The following PAOX variants were observed in gnomAD, a reference collection of about 807,000 sequenced individuals.
PAOX encodes the protein peroxisomal N(1)-acetyl-spermine/spermidine oxidase.
In PAOX, 38 loss-of-function variants were observed where a neutral mutation model predicts 39.0. That is an observed-to-expected ratio of 0.97 (90% CI 0.75 to 1.28). The LOEUF (loss-of-function observed/expected upper bound fraction) is 1.28, where lower values mean the gene tolerates loss of function less well. PAOX is among the 50% of genes most tolerant of loss of function. The probability of loss-of-function intolerance (pLI) is 0.00; values close to 1 mark genes in which losing one functional copy is unlikely to be tolerated. For synonymous variants in PAOX, 311 were observed against 314.4 expected (o/e 0.99, Z 0.11); for missense variants, 667 against 685.7 (o/e 0.97, Z 0.30).
rs1449702807 is a variant in PAOX, at chr10:133,388,952, G to A, written c.1122-4G>A. ...TCATCCCAGGGCTCTCTTTCTCCAT[G>A]CAGGTCTGTCCACGTTCTCTGTGGG... On this transcript the variant is annotated splice_polypyrimidine_tract_variant and splice_region_variant and intron_variant, in intron 4 of 6. Coordinates refer to ENST00000278060, the MANE Select transcript of PAOX (RefSeq NM_152911.4). 6 of 1,606,874 alleles carry A rather than the reference G, an allele frequency of 3.7e-6. No individual in the cohort carries two copies. Among genetic ancestry groups the A allele is most frequent in the Non-Finnish European group, 5.1e-6 (6 of 1,173,774 alleles).
chr10:133,390,299 T>A (rs1252169497), intron 6 of PAOX, among the ~76,000 whole-genome samples: 1 of 151,916 alleles, frequency 6.6e-6, no homozygotes, highest in Non-Finnish European at 1.5e-5. Context: ...ACTATGATGC[T>A]GAGGGCAGTG....
chr10:133,380,372 C>G lies in PAOX; in HGVS notation c.555C>G (p.Asn185Lys). 6.2e-7 allele frequency: 1 copy of G among 1,612,948 alleles called. No homozygotes were observed. Among genetic ancestry groups the G allele is most frequent in the Non-Finnish European group, 8.5e-7 (1 of 1,180,036 alleles). The change falls in exon 2 of 7, where the codon AAC becomes AAG. Residue 185 changes from asparagine to lysine, a missense_variant. Transcript: ENST00000278060. ...ETRKLKLAVL[N>K]SFFNLECCVS... is the part of the protein sequence containing the mutation. ...GGAAGCTGAAGCTGGCCGTCCTGAA[C>G]TCCTTCTTCAACCTGGAATGCTGTG...
rs1240965021 is a variant in PAOX at position 133,379,466 on chromosome 10, CG to C, written c.155del (p.Gly52AlafsTer62). 2.4e-6 allele frequency: 3 copies of C among 1,225,622 alleles called. No individual in the cohort carries two copies. Among genetic ancestry groups the C allele is most frequent in the Admixed American group, 4.3e-5 (1 of 23,490 alleles). The allele number at this position is 1,225,622 out of a possible 1,614,324, so 75.9% of individuals were successfully genotyped here. ...GGGTCCTGGAGGCCACGGCCCGCGC[CG>C]GGGGCCGCATCCGCTCGGAGCGCTG... ...LRVLEATARAGGRIRSERCFG... is the reference protein window; with the variant it reads ...LRVLEATARAXGRIRSERCFG... On this transcript the variant is annotated frameshift_variant, in exon 1 of 7. Transcript: ENST00000278060. LOFTEE classifies it high-confidence loss of function.
At position 133,388,960 on chromosome 10, in the gene PAOX, G is replaced by GGTCATCCCAGGGC. The variant is rs1459322189; in HGVS notation, c.1126_1127insGTCATCCCAGGGC (p.Val376GlyfsTer16). On this transcript the variant is annotated frameshift_variant, in exon 5 of 7. Transcript: ENST00000278060. LOFTEE classifies it high-confidence loss of function. ...GGGCTCTCTTTCTCCATGCAGGTCT[G>GGTCATCCCAGGGC]TCCACGTTCTCTGTGGGTTCATTGC... 1 of 1,612,878 alleles carries GGTCATCCCAGGGC rather than the reference G, an allele frequency of 6.2e-7. No homozygotes were observed. The highest frequency in any genetic ancestry group is 1.3e-5 in the African/African-American group (1 of 74,798).
chr10:133,389,090 T>C (rs10776679), intron 5 of PAOX, 22 bp downstream of exon 5: 1,456,451 of 1,557,126 alleles, frequency 0.94, 683,519 homozygotes, highest in East Asian at 0.98. Flanking sequence ...CCACACACGC[T>C]GGTTCCTGCC....
chr10:133,386,830 C>A (rs1278705633), intron 4 of PAOX, among the ~76,000 whole-genome samples: 1 of 152,182 alleles, frequency 6.6e-6, no homozygotes, highest in East Asian at 1.9e-4. Flanking sequence ...TTGATACTAC[C>A]TCAAAAGTCA....
chr10:133,379,507 C>A lies in PAOX; in HGVS notation c.181+10C>A. The A allele has an allele frequency of 8.2e-7, 1 of 1,225,538 alleles. No individual in the cohort carries two copies. Among genetic ancestry groups the A allele is most frequent in the South Asian group, 4.2e-5 (1 of 24,058 alleles). 75.9% of individuals were successfully genotyped at this position (1,225,538 alleles called of 1,614,324 possible). A position where few individuals can be genotyped will look rare whatever the true frequency, so the allele number is the denominator to read the frequency against. On this transcript the variant is annotated intron_variant, in intron 1 of 6. Transcript: ENST00000278060. ...TCGGAGCGCTGCTTCGGTAACCGCC[C>A]CTCCCGGAGCCCCTCCCGGAACCCA...
intron 3 of PAOX, among the ~76,000 whole-genome samples, chr10:133,382,642 C>T (rs1849418739): frequency 6.6e-6 from 1 of 152,106 alleles, no homozygotes; most frequent in African/African-American, 2.4e-5. Flanking sequence ...ATTAGCTGGG[C>T]ATGGTGGCAG....
At chr10:133,379,852 G>T in intron 1 of PAOX, 147 bp from the exon 2 acceptor site, 3 of 1,098,128 alleles carry the variant, frequency 2.7e-6, no homozygotes, top group Non-Finnish European at 3.8e-6. Flanking sequence ...GTCTGACAGG[G>T]CCCTGCCCTG....
Position 133,389,697 on chromosome 10 carries a change from G to C in PAOX, c.1342G>C (p.Asp448His). 6.3e-7 allele frequency: 1 copy of C among 1,595,480 alleles called. No individual in the cohort carries two copies. Among genetic ancestry groups the C allele is most frequent in the Non-Finnish European group, 8.6e-7 (1 of 1,168,558 alleles). The change falls in exon 6 of 7, where the codon GAC (aspartate) becomes CAC (histidine). Residue 448 changes from aspartate (D) to histidine (H), a missense_variant. Transcript: ENST00000278060. ...CGTGGCCGTGGGCAGTACTGGGGGC[G>C]ACCTGGACCTGCTGGCTCAGCCCCT... The part of the protein sequence containing the change: ...SYVAVGSTGG[D>H]LDLLAQPLPA...
intron 4 of PAOX, 71 bp from the exon 5 acceptor site, chr10:133,388,885 G>A: frequency 2.9e-6 from 2 of 695,636 alleles, no homozygotes. Context: ...TCTCCATGCA[G>A]GTCTGGTCAT....
chr10:133,389,824 C>G, intron 6 of PAOX, 77 bp downstream of exon 6: 1 of 1,367,064 alleles, frequency 7.3e-7, no homozygotes, highest in Non-Finnish European at 9.4e-7. Flanking sequence ...TGCAGGAGCA[C>G]CAGCCAGTGG....
chr10:133,383,919 G>A, intron 3 of PAOX, 41 bp from the exon 4 acceptor site: 1 of 1,585,032 alleles, frequency 6.3e-7, no homozygotes, highest in Non-Finnish European at 8.6e-7. Flanking sequence ...TTCCGTGGAG[G>A]GCTTTATGTG....
At chr10:133,387,629 C>T (rs948091692) in intron 4 of PAOX, among the ~76,000 whole-genome samples, 4 of 152,246 alleles carry the variant, frequency 2.6e-5, no homozygotes, top group African/African-American at 7.2e-5. Context: ...GCACCAGCCC[C>T]GCCTGGAATA....
At chr10:133,379,971 C>A (rs1177834910) in intron 1 of PAOX, 28 bp from the exon 2 acceptor site, 1 of 1,505,606 alleles carries the variant, frequency 6.6e-7, no homozygotes, top group Non-Finnish European at 8.8e-7. Context: ...AAAGGGACCT[C>A]CAGGTGGCAT....
chr10:133,390,826 T>TCCCCCCCCCCCCC, intron 6 of PAOX: 1 of 318,546 alleles, frequency 3.1e-6, no homozygotes, highest in South Asian at 2.3e-5. Context: ...CCCAGATCCC[T>TCCCCCCCCCCCCC]CCCCCACCCT....
rs1358524908 is a variant in PAOX at position 133,391,429 on chromosome 10, G to T, written c.1510G>T (p.Val504Leu). The change falls in exon 7 of 7, where the codon GTG (valine) becomes TTG (leucine). Residue 504 changes from valine (V) to leucine (L), a missense_variant. Coordinates refer to ENST00000278060, the MANE Select transcript of PAOX (RefSeq NM_152911.4). ...DRLLSLWAPQ[V>L]QQPRPRL The stretch of plus-strand genomic sequence containing the variant: ...CCTCCTCAGTCTGTGGGCCCCGCAG[G>T]TGCAGCAGCCCAGGCCCAGGCTCTA... 1.2e-6 allele frequency: 2 copies of T among 1,612,676 alleles called. No homozygotes were observed. The highest frequency in any genetic ancestry group is 3.3e-5 in the Admixed American group (2 of 59,998).
At chr10:133,388,022 C>T (rs946928335) in intron 4 of PAOX, among the ~76,000 whole-genome samples, 4 of 152,102 alleles carry the variant, frequency 2.6e-5, no homozygotes, top group Non-Finnish European at 4.4e-5. Flanking sequence ...TGGCCCTCCA[C>T]GCAGATTATT....
chr10:133,391,586 C>G lies in PAOX; in HGVS notation c.*131C>G, dbSNP rs1026527691. The G allele has an allele frequency of 7.5e-7, 1 of 1,328,186 alleles. No homozygotes were observed. The highest frequency in any genetic ancestry group is 1.5e-5 in the African/African-American group (1 of 67,246). 82.3% of individuals were successfully genotyped at this position (1,328,186 alleles called of 1,614,324 possible). On this transcript the variant is annotated 3_prime_UTR_variant, in exon 7 of 7. Transcript: ENST00000278060. ...TCCTCTGGTTTTTGGTAACCAGGGC[C>G]ACCTTCTCAGTTCTTGTGTCTGTTA...
Sources: allele counts gnomAD v4.1 joint callset (sites outside exome capture counted in the v4.1 genomes callset), GRCh38; gene constraint gnomAD v4.1.1; transcripts MANE v1.5; gene names NCBI Gene and HGNC (gene_info 2026-07-23, HGNC 2026-07-21).